Variants in SYN2 observed in about 807,000 individuals in gnomAD.
The protein encoded by SYN2 is synapsin II.
In SYN2, 19 loss-of-function variants were observed where a neutral mutation model predicts 50.9. The ratio of observed to expected loss-of-function variants is 0.37; its 90% CI spans 0.26 to 0.55. The LOEUF (loss-of-function observed/expected upper bound fraction) is 0.55. Among genes scored for constraint, SYN2 ranks in the 20% least tolerant of loss-of-function variants. The probability of loss-of-function intolerance (pLI) is 0.81; values close to 1 mark genes in which losing one functional copy is unlikely to be tolerated. For synonymous variants in SYN2, 255 were observed against 224.9 expected, an observed-to-expected ratio of 1.13 and a Z score of -1.20; for missense variants, 587 against 576.4, an observed-to-expected ratio of 1.02 and a Z score of -0.19.
At chr3:12,066,854 A>G (rs760434743) in intron 1 of SYN2, among the ~76,000 whole-genome samples, 2 of 152,156 alleles carry the variant, frequency 1.3e-5, no homozygotes, top group Non-Finnish European at 1.5e-5. Flanking sequence ...GGGGGGCCTC[A>G]GGAAGCTTAC....
intron 1 of SYN2, among the ~76,000 whole-genome samples, chr3:12,068,514 C>T (rs1305763864): frequency 6.6e-6 from 1 of 152,192 alleles, no homozygotes; most frequent in Admixed American, 6.5e-5. Context: ...GGAGCCCTTT[C>T]AGTCTGGGTA....
intron 1 of SYN2, among the ~76,000 whole-genome samples, chr3:12,100,993 A>T (rs1319777727): frequency 1.3e-5 from 2 of 152,202 alleles, no homozygotes; most frequent in Non-Finnish European, 2.9e-5. Flanking sequence ...GTGTTGGTGA[A>T]GAAGTGAAGA....
At chr3:12,069,421 G>A (rs1695293724) in intron 1 of SYN2, among the ~76,000 whole-genome samples, 1 of 151,630 alleles carries the variant, frequency 6.6e-6, no homozygotes, top group African/African-American at 2.4e-5. Flanking sequence ...GCTAATTTTT[G>A]TATTTTTAGT....
intron 1 of SYN2, among the ~76,000 whole-genome samples, chr3:12,089,308 G>A (rs1163699386): frequency 6.6e-6 from 1 of 152,122 alleles, no homozygotes; most frequent in African/African-American, 2.4e-5. Context: ...TTGTATAGGG[G>A]AACTCCCATA....
intron 5 of SYN2, chr3:12,153,355 A>C: frequency 1.2e-6 from 1 of 816,880 alleles, no homozygotes; most frequent in Non-Finnish European, 2.0e-6. Context: ...CAGAAAAGTC[A>C]TGGCCCCTTC....
chr3:12,159,723 G>A (rs1413894329), intron 5 of SYN2, among the ~76,000 whole-genome samples: 2 of 152,178 alleles, frequency 1.3e-5, no homozygotes, highest in Non-Finnish European at 2.9e-5. Context: ...ACTCTGTCAT[G>A]TTCTAGAAGG....
At chr3:12,032,550 TC>T (rs1694403193) in intron 1 of SYN2, among the ~76,000 whole-genome samples, 1 of 5,120 alleles carries the variant, frequency 2.0e-4, no homozygotes, top group Non-Finnish European at 3.2e-4. Flanking sequence ...TTTCACATAG[TC>T]CCATATTTCT....
intron 9 of SYN2, among the ~76,000 whole-genome samples, chr3:12,168,855 AT>A (rs3836373): frequency 0.8 from 122,209 of 152,084 alleles, 49,211 homozygotes; most frequent in East Asian, 0.87. Context: ...GATGCAGGAG[AT>A]TTCTTCTTAG....
At chr3:12,033,359 A>G (rs573703240) in intron 1 of SYN2, among the ~76,000 whole-genome samples, 60 of 152,294 alleles carry the variant, frequency 3.9e-4, no homozygotes, top group African/African-American at 1.3e-3. Flanking sequence ...AGCTGTTCCT[A>G]TTCGGCTGGT....
chr3:12,063,758 A>T (rs563285826), intron 1 of SYN2, among the ~76,000 whole-genome samples: 2 of 152,062 alleles, frequency 1.3e-5, no homozygotes, highest in African/African-American at 4.8e-5. Context: ...GAATAGTTTG[A>T]GCAAGAAAAT....
intron 1 of SYN2, among the ~76,000 whole-genome samples, chr3:12,099,371 T>C (rs1696017001): frequency 6.6e-6 from 1 of 152,134 alleles, no homozygotes; most frequent in African/African-American, 2.4e-5. Context: ...GTTCTCCAAC[T>C]GCAATAGGAT....
At chr3:12,190,396 TG>T (rs1044219508) in intron 12 of SYN2, 93 bp from the exon 13 acceptor site, 5 of 1,423,958 alleles carry the variant, frequency 3.5e-6, no homozygotes, top group Non-Finnish European at 3.9e-6. Flanking sequence ...AGGGAGGGAG[TG>T]GGGGTTCTAG....
chr3:12,115,959 C>T (rs1326213881), intron 1 of SYN2, among the ~76,000 whole-genome samples: 4 of 152,136 alleles, frequency 2.6e-5, no homozygotes, highest in Non-Finnish European at 5.9e-5. Flanking sequence ...TGTTACTTCA[C>T]TTTTAGGTAA....
intron 4 of SYN2, among the ~76,000 whole-genome samples, chr3:12,147,324 G>C (rs925306776): frequency 2.0e-5 from 3 of 152,124 alleles, no homozygotes; most frequent in Non-Finnish European, 4.4e-5. Flanking sequence ...AGAGCTTGGA[G>C]TGTAAGAAAA....
intron 1 of SYN2, among the ~76,000 whole-genome samples, chr3:12,115,567 T>A (rs1241760678): frequency 6.6e-6 from 1 of 152,152 alleles, no homozygotes; most frequent in Non-Finnish European, 1.5e-5. Context: ...TTTTATTCAT[T>A]CCGTATTTTT....
chr3:12,106,702 A>G (rs536032140), intron 1 of SYN2, among the ~76,000 whole-genome samples: 6 of 152,284 alleles, frequency 3.9e-5, no homozygotes, highest in African/African-American at 1.4e-4. Flanking sequence ...AATGTTTTAG[A>G]AAACATTTAG....
At chr3:12,179,206 T>A (rs892351982) in intron 10 of SYN2, among the ~76,000 whole-genome samples, 3 of 151,670 alleles carry the variant, frequency 2.0e-5, no homozygotes, top group African/African-American at 7.3e-5. Flanking sequence ...AGCGGCACAC[T>A]CTCCTTGCCA....
intron 1 of SYN2, among the ~76,000 whole-genome samples, chr3:12,119,732 T>A (rs1257417202): frequency 1.3e-5 from 2 of 152,198 alleles, no homozygotes; most frequent in Non-Finnish European, 2.9e-5. Flanking sequence ...TTTTGGGATC[T>A]ATTTGGAAGC....
intron 9 of SYN2, among the ~76,000 whole-genome samples, 153 bp downstream of exon 9, chr3:12,168,631 A>G (rs1183986693): frequency 6.6e-6 from 1 of 152,188 alleles, no homozygotes; most frequent in Non-Finnish European, 1.5e-5. Context: ...AGGCTGACCC[A>G]CGCCATGGGT....
Sources: gnomAD v4.1 joint callset for allele counts (sites outside exome capture counted in the v4.1 genomes callset) on GRCh38, gnomAD v4.1.1 for gene constraint, MANE v1.5 for transcripts, NCBI Gene and HGNC (gene_info 2026-07-23, HGNC 2026-07-21) for gene names.